Variants in INVS observed in about 807,000 individuals in gnomAD.
INVS encodes inversin, also known as inversion of embryo turning homolog.
INVS carries 86 observed loss-of-function variants against 108.8 expected under a neutral mutation model. That is an observed-to-expected ratio of 0.79 (90% CI 0.66 to 0.95). INVS has a LOEUF of 0.95. Ranked by LOEUF, INVS falls within the 40% of genes least tolerant of loss-of-function variation. The probability of loss-of-function intolerance (pLI) is 0.00; values close to 1 mark genes in which losing one functional copy is unlikely to be tolerated. For missense variants in INVS, 1,169 were observed against 1,297.4 expected (o/e 0.90, Z 1.52); for synonymous variants, 455 against 473.5 (o/e 0.96, Z 0.51).
In INVS at chr9:100,242,590, C is replaced by A. The variant is rs776929488; in HGVS notation, c.817C>A (p.Leu273Ile). The A allele has an allele frequency of 6.2e-7, 1 of 1,604,652 alleles. No homozygotes were observed. Among genetic ancestry groups the A allele is most frequent in the Non-Finnish European group, 8.5e-7 (1 of 1,171,482 alleles). ...CTCAGGCCATGCACAGATTGTCCAT[C>A]TCCTTTTAGAAAGAAATAAGTCTGG... ...ALLGHAQIVH[L>I]LLERNKSGTI... is the part of the protein sequence containing the mutation. The change falls in exon 7 of 17, where the codon CTC (leucine) becomes ATC (isoleucine). Residue 273 changes from leucine (L) to isoleucine (I), a missense_variant. Leu to Ile is a conservative substitution (Grantham distance 5). Coordinates refer to ENST00000262457, the MANE Select transcript of INVS (RefSeq NM_014425.5).
intron 13 of INVS, among the ~76,000 whole-genome samples, chr9:100,291,872 A>G (rs1452406581): frequency 1.3e-5 from 2 of 152,174 alleles, no homozygotes; most frequent in Non-Finnish European, 2.9e-5. Context: ...GGCTTCATGT[A>G]GAGTCTTGGT....
rs370296843 is a variant in INVS, at chr9:100,296,803, G to T, written c.2787-114G>T. The T allele has an allele frequency of 4.8e-6, 4 of 829,342 alleles. No individual in the cohort carries two copies. The African/African-American group carries it at 5.1e-5, about 11-fold the overall frequency. 51.4% of individuals were successfully genotyped at this position (829,342 alleles called of 1,614,324 possible). ...CAAAATTAGGAATGGGAGCTTGAATGAACCTACCAGGAATTCAGCAAATAC... is the reference window on the plus strand; with the variant it reads ...CAAAATTAGGAATGGGAGCTTGAATTAACCTACCAGGAATTCAGCAAATAC... On this transcript the variant is annotated intron_variant, in intron 14 of 16. Coordinates refer to ENST00000262457, the MANE Select transcript of INVS (RefSeq NM_014425.5).
intron 4 of INVS, among the ~76,000 whole-genome samples, chr9:100,227,510 G>A (rs183843645): frequency 4.9e-4 from 70 of 143,760 alleles, no homozygotes; most frequent in African/African-American, 1.6e-3. Context: ...TTATGTTGAC[G>A]AGAACAGCAG....
chr9:100,209,552 CA>C (rs1392005499), intron 3 of INVS, among the ~76,000 whole-genome samples: 1 of 152,046 alleles, frequency 6.6e-6, no homozygotes, highest in Non-Finnish European at 1.5e-5. Flanking sequence ...GGGAGGATCA[CA>C]AGGTCAGGAG....
intron 3 of INVS, among the ~76,000 whole-genome samples, chr9:100,174,732 G>C (rs1276282989): frequency 6.6e-6 from 1 of 151,952 alleles, no homozygotes; most frequent in Non-Finnish European, 1.5e-5. Flanking sequence ...GGCTAACATG[G>C]TGAAACCCCA....
chr9:100,100,808 T>TA (rs1826879607), intron 1 of INVS, among the ~76,000 whole-genome samples: 2 of 32,908 alleles, frequency 6.1e-5, no homozygotes, highest in Non-Finnish European at 4.9e-5. Flanking sequence ...TATATGTATA[T>TA]ATAATATATA....
Position 100,270,466 on chromosome 9 carries a change from C to T in INVS, c.1572-2398C>T, listed in dbSNP as rs140863798. Among the ~76,000 whole-genome samples, 518 of 151,520 alleles carry T rather than the reference C, an allele frequency of 3.4e-3. 1 individual carries two copies. Among genetic ancestry groups the T allele is most frequent in the Middle Eastern group, 6.8e-3 (2 of 294 alleles). Reference sequence around the variant, plus strand: ...TCTCTACAAAAATACAAAAACTGGCCGGGTGCAGTGGCTCATGCCTGTAAT... The same window carrying T: ...TCTCTACAAAAATACAAAAACTGGCTGGGTGCAGTGGCTCATGCCTGTAAT... On this transcript the variant is annotated intron_variant, in intron 11 of 16. Transcript: ENST00000262457.
chr9:100,228,708 G>A (rs1488764189), intron 4 of INVS, among the ~76,000 whole-genome samples: 1 of 152,204 alleles, frequency 6.6e-6, no homozygotes, highest in African/African-American at 2.4e-5. Flanking sequence ...TCTCAGTTCA[G>A]CCACTTACTT....
At chr9:100,258,259 CAT>C (rs1390439003) in intron 10 of INVS, among the ~76,000 whole-genome samples, 8 of 152,190 alleles carry the variant, frequency 5.3e-5, no homozygotes, top group African/African-American at 1.9e-4. Flanking sequence ...TCCATCAGGT[CAT>C]TTAAGGTCGT....
At chr9:100,103,284 C>A (rs774908318) in intron 1 of INVS, among the ~76,000 whole-genome samples, 1 of 152,156 alleles carries the variant, frequency 6.6e-6, no homozygotes, top group African/African-American at 2.4e-5. Flanking sequence ...CTCAGCCTCC[C>A]GAGTAGCTAG....
At chr9:100,148,711 C>T (rs1828709609) in intron 3 of INVS, among the ~76,000 whole-genome samples, 1 of 152,172 alleles carries the variant, frequency 6.6e-6, no homozygotes, top group Admixed American at 6.5e-5. Flanking sequence ...TTTAAAGCTA[C>T]AAAAACATTT....
intron 3 of INVS, among the ~76,000 whole-genome samples, chr9:100,186,411 A>T (rs890525001): frequency 1.3e-5 from 2 of 152,038 alleles, no homozygotes; most frequent in African/African-American, 4.8e-5. Flanking sequence ...TCAGCCTCCC[A>T]AAGTGCTGGG....
chr9:100,105,924 AC>A (rs1370122334), intron 2 of INVS, among the ~76,000 whole-genome samples: 1 of 146,726 alleles, frequency 6.8e-6, no homozygotes, highest in African/African-American at 2.5e-5. Flanking sequence ...GATGTACCAA[AC>A]CTATCTTGCT....
intron 1 of INVS, among the ~76,000 whole-genome samples, chr9:100,100,535 C>G (rs1826793576): frequency 7.6e-6 from 1 of 131,988 alleles, no homozygotes; most frequent in South Asian, 2.2e-4. Context: ...ATACCTGTTA[C>G]TGTGCTAAGT....
At chr9:100,118,069 CTT>C (rs757283860) in intron 2 of INVS, among the ~76,000 whole-genome samples, 27 of 137,926 alleles carry the variant, frequency 2.0e-4, no homozygotes, top group Admixed American at 2.2e-4. Context: ...CTTTTTTTTT[CTT>C]TTTTTTTTTT....
intron 3 of INVS, among the ~76,000 whole-genome samples, chr9:100,144,521 C>T (rs1051177258): frequency 3.9e-5 from 6 of 152,080 alleles, no homozygotes; most frequent in African/African-American, 1.4e-4. Context: ...GAAAAAGAGC[C>T]TAAAGGCTAA....
chr9:100,234,284 G>A (rs905742979), intron 5 of INVS, among the ~76,000 whole-genome samples: 3 of 151,750 alleles, frequency 2.0e-5, no homozygotes, highest in Non-Finnish European at 2.9e-5. Context: ...CTGGCTAGTG[G>A]TCTATTTTGT....
At chr9:100,255,647 C>T (rs1832395514) in intron 10 of INVS, among the ~76,000 whole-genome samples, 1 of 152,108 alleles carries the variant, frequency 6.6e-6, no homozygotes, top group East Asian at 1.9e-4. Flanking sequence ...TTGTCAAAGG[C>T]CTTTTCTGCA....
intron 3 of INVS, among the ~76,000 whole-genome samples, chr9:100,202,336 G>C (rs1278321848): frequency 1.3e-5 from 2 of 152,118 alleles, no homozygotes; most frequent in African/African-American, 4.8e-5. Context: ...AATTTCAGGT[G>C]GATCTTAAAG....
Sources: allele counts gnomAD v4.1 joint callset (sites outside exome capture counted in the v4.1 genomes callset), GRCh38; gene constraint gnomAD v4.1.1; transcripts MANE v1.5; gene names NCBI Gene and HGNC (gene_info 2026-07-23, HGNC 2026-07-21).